The following HDAC9 variants were observed in gnomAD, a reference collection of about 807,000 sequenced individuals.
HDAC9 encodes the protein MEF-2 interacting transcription repressor (MITR) protein.
A neutral mutation model predicts 139.4 loss-of-function variants in HDAC9; 41 were observed. That is an observed-to-expected ratio of 0.29 (90% confidence interval 0.23 to 0.38). The LOEUF is 0.38. Ranked by LOEUF, HDAC9 falls within the 10% of genes least tolerant of loss-of-function variation. HDAC9 has a pLI of 1.00. For synonymous variants in HDAC9, 517 were observed against 476.2 expected (o/e 1.09, Z -1.12); for missense variants, 1,147 against 1,297.0 (o/e 0.88, Z 1.78).
chr7:18,685,212 A>G (rs952940804), intron 12 of HDAC9, among the ~76,000 whole-genome samples: 4 of 152,040 alleles, frequency 2.6e-5, no homozygotes, highest in Non-Finnish European at 5.9e-5. Context: ...TTTGCTGGAA[A>G]GCTCATAAAA....
At chr7:18,607,147 G>A (rs1181216180) in intron 6 of HDAC9, among the ~76,000 whole-genome samples, 1 of 152,170 alleles carries the variant, frequency 6.6e-6, no homozygotes, top group Non-Finnish European at 1.5e-5. Context: ...AGTTCAGTAA[G>A]TGAGAAGCTG....
intron 2 of HDAC9, among the ~76,000 whole-genome samples, chr7:18,539,852 G>T (rs534292533): frequency 8.6e-5 from 13 of 151,790 alleles, no homozygotes; most frequent in Admixed American, 7.9e-4. Context: ...TTAAAATGAG[G>T]ACACCAAAAA....
intron 22 of HDAC9, among the ~76,000 whole-genome samples, chr7:18,895,020 G>A (rs1801051745): frequency 6.6e-6 from 1 of 152,038 alleles, no homozygotes; most frequent in African/African-American, 2.4e-5. Flanking sequence ...ATTCGAATGG[G>A]CAAGAACATT....
At chr7:18,186,428 ATGGTGCTTTC>A (rs1464601960) in intron 2 of HDAC9, among the ~76,000 whole-genome samples, 1 of 152,234 alleles carries the variant, frequency 6.6e-6, no homozygotes, top group Non-Finnish European at 1.5e-5. Flanking sequence ...TTGTGGTAGG[ATGGTGCTTTC>A]TGGTGCTGGT....
chr7:18,684,047 A>G (rs1171766299), intron 12 of HDAC9, among the ~76,000 whole-genome samples: 1 of 151,744 alleles, frequency 6.6e-6, no homozygotes, highest in Non-Finnish European at 1.5e-5. Flanking sequence ...ACTTGAGCCC[A>G]GGAGTTCAAG....
At chr7:18,153,206 G>A (rs1528679) in intron 1 of HDAC9, among the ~76,000 whole-genome samples, 19,373 of 152,070 alleles carry the variant, frequency 0.13, 1,942 homozygotes, top group African/African-American at 0.28. Flanking sequence ...ATGTGTTAGC[G>A]GTGAAAAGAA....
chr7:18,125,928 T>G (rs2128097842), intron 1 of HDAC9, among the ~76,000 whole-genome samples: 1 of 152,344 alleles, frequency 6.6e-6, no homozygotes, highest in Non-Finnish European at 1.5e-5. Flanking sequence ...GCCTACAGGC[T>G]GTAGTTTGTC....
chr7:18,377,384 T>TA (rs1041545621), intron 1 of HDAC9, among the ~76,000 whole-genome samples: 10 of 152,208 alleles, frequency 6.6e-5, no homozygotes, highest in African/African-American at 2.2e-4. Flanking sequence ...AGGTTTCCTT[T>TA]AAAAATGAGC....
At chr7:18,620,291 A>G (rs1839864254) in intron 6 of HDAC9, among the ~76,000 whole-genome samples, 1 of 152,128 alleles carries the variant, frequency 6.6e-6, no homozygotes, top group Admixed American at 6.5e-5. Flanking sequence ...AGTAGGTTTT[A>G]ATTTTAACTA....
intron 14 of HDAC9, among the ~76,000 whole-genome samples, chr7:18,753,108 G>A (rs913181151): frequency 1.6e-4 from 24 of 152,202 alleles, no homozygotes; most frequent in East Asian, 5.8e-4. Flanking sequence ...ATACAATACC[G>A]AGTACAAAAT....
chr7:18,174,881 AGATGTCT>A (rs2128136172), intron 2 of HDAC9, among the ~76,000 whole-genome samples: 1 of 152,210 alleles, frequency 6.6e-6, no homozygotes, highest in South Asian at 2.1e-4. Flanking sequence ...CCCTGCTGGG[AGATGTCT>A]CCCAGTTAGG....
chr7:18,910,033 T>G (rs1332456541), intron 22 of HDAC9, among the ~76,000 whole-genome samples: 1 of 151,972 alleles, frequency 6.6e-6, no homozygotes, highest in Admixed American at 6.6e-5. Context: ...ATCTGTCCAA[T>G]GCTGAGAGAG....
chr7:18,141,245 G>A (rs1251396810), intron 1 of HDAC9, among the ~76,000 whole-genome samples: 2 of 152,194 alleles, frequency 1.3e-5, no homozygotes, highest in African/African-American at 4.8e-5. Context: ...TTTCAGGACT[G>A]CAGAAAAATT....
At chr7:18,565,613 G>A (rs1467606696) in intron 2 of HDAC9, among the ~76,000 whole-genome samples, 1 of 151,946 alleles carries the variant, frequency 6.6e-6, no homozygotes, top group African/African-American at 2.4e-5. Context: ...TACATATTTT[G>A]GACAGTGTAG....
At chr7:18,559,331 G>A (rs1273584022) in intron 2 of HDAC9, among the ~76,000 whole-genome samples, 1 of 152,120 alleles carries the variant, frequency 6.6e-6, no homozygotes, top group Non-Finnish European at 1.5e-5. Flanking sequence ...CTTTGCCCAA[G>A]TGTGTTCAAT....
At chr7:18,822,753 C>T (rs1165425983) in intron 17 of HDAC9, among the ~76,000 whole-genome samples, 1 of 152,158 alleles carries the variant, frequency 6.6e-6, no homozygotes, top group African/African-American at 2.4e-5. Flanking sequence ...GGAATAGGAT[C>T]CCAGCACTGT....
chr7:18,827,855 T>C (rs1170187038), intron 17 of HDAC9, among the ~76,000 whole-genome samples: 1 of 152,186 alleles, frequency 6.6e-6, no homozygotes, highest in Non-Finnish European at 1.5e-5. Flanking sequence ...CAGCACTCTA[T>C]AGTGTCAATC....
intron 1 of HDAC9, among the ~76,000 whole-genome samples, chr7:18,364,150 C>A (rs1429348887): frequency 6.6e-6 from 1 of 152,124 alleles, no homozygotes; most frequent in African/African-American, 2.4e-5. Context: ...CACTGACTTG[C>A]TCATGGCTTC....
chr7:18,408,017 A>G (rs11486742), intron 1 of HDAC9, among the ~76,000 whole-genome samples: 1,535 of 152,288 alleles, frequency 0.01, 27 homozygotes, highest in African/African-American at 0.035. Context: ...TCATACTTAC[A>G]TCGTACTTAC....
Sources: allele counts gnomAD v4.1 joint callset (sites outside exome capture counted in the v4.1 genomes callset), GRCh38; gene constraint gnomAD v4.1.1; transcripts MANE v1.5; gene names NCBI Gene and HGNC (gene_info 2026-07-23, HGNC 2026-07-21).